Variants in TNR observed in about 807,000 individuals in gnomAD.
The protein encoded by TNR is tenascin R, also known as tenascin-R.
Under a neutral mutation model 150.4 loss-of-function variants are expected in TNR, and 45 were observed. The ratio of observed to expected loss-of-function variants is 0.30; its 90% confidence interval spans 0.24 to 0.38. The LOEUF is 0.38. Among genes scored for constraint, TNR ranks in the 10% least tolerant of loss-of-function variants. TNR has a pLI of 1.00. For synonymous variants in TNR, 687 were observed against 678.4 expected, an observed-to-expected ratio of 1.01 and a Z score of -0.20; for missense variants, 1,544 against 1,759.1, an observed-to-expected ratio of 0.88 and a Z score of 2.19.
chr1:175,596,277 C>A (rs545082608), intron 1 of TNR, among the ~76,000 whole-genome samples: 8 of 152,142 alleles, frequency 5.3e-5, no homozygotes, highest in Non-Finnish European at 8.8e-5. Flanking sequence ...TAAGAAGGAG[C>A]TGGAGCTGAG....
intron 1 of TNR, among the ~76,000 whole-genome samples, chr1:175,603,041 G>A (rs570033063): frequency 4.6e-5 from 7 of 152,270 alleles, no homozygotes; most frequent in South Asian, 2.1e-4. Flanking sequence ...TGAAAATTAC[G>A]TGTGCTAGTT....
At chr1:175,712,691 G>C (rs963598779) in intron 1 of TNR, among the ~76,000 whole-genome samples, 15 of 151,954 alleles carry the variant, frequency 9.9e-5, no homozygotes, top group African/African-American at 3.4e-4. Context: ...GTTCACATGA[G>C]ATCACCCACC....
intron 1 of TNR, among the ~76,000 whole-genome samples, chr1:175,675,472 G>A (rs1174169324): frequency 6.6e-6 from 1 of 152,210 alleles, no homozygotes; most frequent in Non-Finnish European, 1.5e-5. Flanking sequence ...CATTGTGTGA[G>A]TGTGCAGTGT....
intron 1 of TNR, among the ~76,000 whole-genome samples, chr1:175,703,112 G>GT (rs985273557): frequency 3.9e-5 from 6 of 151,962 alleles, no homozygotes; most frequent in African/African-American, 7.2e-5. Context: ...TCTGAGAGTA[G>GT]TTTTTTCTCT....
intron 1 of TNR, among the ~76,000 whole-genome samples, chr1:175,700,259 GAGCTAACAC>G (rs201569660): frequency 0.015 from 2,272 of 152,200 alleles, 66 homozygotes; most frequent in African/African-American, 0.051. Context: ...AGTCATGGCT[GAGCTAACAC>G]AGCAATGGGT....
chr1:175,650,560 C>T (rs568309427), intron 1 of TNR, among the ~76,000 whole-genome samples: 36 of 151,664 alleles, frequency 2.4e-4, no homozygotes, highest in Non-Finnish European at 4.9e-4. Flanking sequence ...AATATGGGAA[C>T]AATATGTCCA....
chr1:175,320,373 T>A lies in TNR; in HGVS notation c.*2984A>T, dbSNP rs1458265383. ...CTCATGAGAAAATCACCCTATTAAA[T>A]AAAAGGAATCTATAAATCCTTTTAT... On this transcript the variant is annotated 3_prime_UTR_variant, in exon 23 of 23. Coordinates refer to ENST00000367674, the MANE Select transcript of TNR (RefSeq NM_003285.3). The A allele has an allele frequency of 6.6e-6, 1 of 152,140 alleles. No homozygotes were observed. The highest frequency in any genetic ancestry group is 1.5e-5 in the Non-Finnish European group (1 of 68,016). 9.4% of individuals were successfully genotyped at this position (152,140 alleles called of 1,614,324 possible). A position where few individuals can be genotyped will look rare whatever the true frequency, so the allele number is the denominator to read the frequency against.
Position 175,317,832 on chromosome 1 carries a change from CTG to C in TNR, c.*5523_*5524del, listed in dbSNP as rs1386085508. 6.6e-6 allele frequency: 1 copy of C among 152,258 alleles called. No homozygotes were observed. Among genetic ancestry groups the C allele is most frequent in the Non-Finnish European group, 1.5e-5 (1 of 68,082 alleles). The allele number at this position is 152,258 out of a possible 1,614,324, so 9.4% of individuals were successfully genotyped here. On this transcript the variant is annotated 3_prime_UTR_variant, in exon 23 of 23. Transcript: ENST00000367674. ...GCTGAGTGTGTCTGAGGAACAAGAGCTGTGTTATTTGGATGCACTGCAAGAGC... is the reference window on the plus strand; with the variant it reads ...GCTGAGTGTGTCTGAGGAACAAGAGCTGTTATTTGGATGCACTGCAAGAGC...
chr1:175,630,111 TC>T (rs1425630877), intron 1 of TNR, among the ~76,000 whole-genome samples: 3 of 152,044 alleles, frequency 2.0e-5, no homozygotes, highest in Non-Finnish European at 4.4e-5. Flanking sequence ...CAGGCCCAAG[TC>T]TAGGAACAAG....
rs201350534 is a variant in TNR at position 175,473,045 on chromosome 1, G to A, written c.-64+55224C>T. Among the ~76,000 whole-genome samples the A allele has an allele frequency of 4.6e-5, 7 of 152,296 alleles. No homozygotes were observed. The East Asian group carries it at 1.3e-3, about 29-fold the overall frequency. ...AGAGGTGGCTGCTTTAAAATAAGAG[G>A]TGGTCCAGGAAGAAATGGCTCTGGC... is the stretch of plus-strand genomic sequence containing the variant. On this transcript the variant is annotated intron_variant, in intron 2 of 22. Coordinates refer to ENST00000367674, the MANE Select transcript of TNR (RefSeq NM_003285.3).
chr1:175,398,110 G>T (rs74393917), intron 4 of TNR, among the ~76,000 whole-genome samples: 1 of 152,284 alleles, frequency 6.6e-6, no homozygotes, highest in East Asian at 1.9e-4. Flanking sequence ...GACCTTGTGA[G>T]TGGAGAGTGC....
intron 13 of TNR, among the ~76,000 whole-genome samples, chr1:175,363,403 C>T (rs549496879): frequency 6.6e-6 from 1 of 152,218 alleles, no homozygotes; most frequent in South Asian, 2.1e-4. Context: ...ATTCATGTGA[C>T]CCAAGCTCTT....
intron 2 of TNR, among the ~76,000 whole-genome samples, chr1:175,503,698 C>G (rs1419387262): frequency 2.0e-5 from 3 of 152,140 alleles, no homozygotes; most frequent in African/African-American, 7.2e-5. Flanking sequence ...TCATGACGCT[C>G]CATTCACGGA....
At chr1:175,726,685 C>A (rs1667488592) in intron 1 of TNR, among the ~76,000 whole-genome samples, 1 of 151,926 alleles carries the variant, frequency 6.6e-6, no homozygotes. Flanking sequence ...CTTTTAAAGA[C>A]CAAATCCAGG....
At chr1:175,478,037 C>G (rs1385123742) in intron 2 of TNR, among the ~76,000 whole-genome samples, 1 of 152,188 alleles carries the variant, frequency 6.6e-6, no homozygotes, top group African/African-American at 2.4e-5. Flanking sequence ...TGCAAATTCA[C>G]TTGGGCAAAG....
intron 1 of TNR, among the ~76,000 whole-genome samples, chr1:175,741,900 C>G (rs1667940842): frequency 6.6e-6 from 1 of 152,280 alleles, no homozygotes; most frequent in East Asian, 1.9e-4. Flanking sequence ...TCCCCTGTCT[C>G]AACACACTTG....
chr1:175,624,719 GGC>G (rs1664090052), intron 1 of TNR, among the ~76,000 whole-genome samples: 1 of 152,156 alleles, frequency 6.6e-6, no homozygotes, highest in African/African-American at 2.4e-5. Context: ...CTCAGTTTAT[GGC>G]ACTTCATTAC....
intron 1 of TNR, among the ~76,000 whole-genome samples, chr1:175,561,633 T>C (rs1363030009): frequency 6.6e-6 from 1 of 152,138 alleles, no homozygotes; most frequent in Non-Finnish European, 1.5e-5. Flanking sequence ...TAAGACCTGA[T>C]TTTCAGAGGA....
intron 15 of TNR, among the ~76,000 whole-genome samples, chr1:175,358,710 T>G (rs912760610): frequency 6.6e-6 from 1 of 152,208 alleles, no homozygotes; most frequent in Non-Finnish European, 1.5e-5. Context: ...CTCAACTCTA[T>G]TTTGCTTTGG....
Sources: allele counts gnomAD v4.1 joint callset (sites outside exome capture counted in the v4.1 genomes callset), GRCh38; gene constraint gnomAD v4.1.1; transcripts MANE v1.5; gene names NCBI Gene and HGNC (gene_info 2026-07-23, HGNC 2026-07-21).